Variants in KCTD8 observed in about 807,000 individuals in gnomAD.
KCTD8 encodes the protein potassium channel tetramerization domain containing 8.
Under a neutral mutation model 31.5 loss-of-function variants are expected in KCTD8, and 27 were observed. The observed-to-expected ratio is 0.86, with a 90% CI of 0.63 to 1.18. The LOEUF (loss-of-function observed/expected upper bound fraction) is 1.18. KCTD8 is among the 50% of genes most tolerant of loss of function. The pLI is 0.00. For missense variants in KCTD8, 658 were observed against 647.7 expected, an observed-to-expected ratio of 1.02 and a Z score of -0.17; for synonymous variants, 290 against 280.0, an observed-to-expected ratio of 1.04 and a Z score of -0.36.
rs544181801 is a variant in KCTD8, at chr4:44,401,874, A to G, written c.961+45689T>C. Among the ~76,000 whole-genome samples the G allele has an allele frequency of 2.7e-4, 41 of 152,264 alleles. No homozygotes were observed. The South Asian group carries it at 8.3e-3, about 31-fold the overall frequency. On this transcript the variant is annotated intron_variant, in intron 1 of 1. Transcript: ENST00000360029. ...AAACTACCATATTATTATGGCATCA[A>G]ATAAATGGATTCTATTTTTTATAGT...
intron 1 of KCTD8, among the ~76,000 whole-genome samples, chr4:44,284,543 A>G (rs560603140): frequency 6.6e-6 from 1 of 152,346 alleles, no homozygotes; most frequent in African/African-American, 2.4e-5. Flanking sequence ...GGGCAATACC[A>G]TTCAGGATGT....
At chr4:44,285,282 C>A (rs901845767) in intron 1 of KCTD8, among the ~76,000 whole-genome samples, 3 of 152,160 alleles carry the variant, frequency 2.0e-5, no homozygotes, top group Non-Finnish European at 4.4e-5. Context: ...CCATGGAATA[C>A]TATGCACCCA....
At chr4:44,222,175 G>T (rs1433983908) in intron 1 of KCTD8, among the ~76,000 whole-genome samples, 1 of 152,128 alleles carries the variant, frequency 6.6e-6, no homozygotes, top group Non-Finnish European at 1.5e-5. Flanking sequence ...ACAGAATAAG[G>T]AATTTATTAT....
chr4:44,340,843 G>A (rs942226427), intron 1 of KCTD8, among the ~76,000 whole-genome samples: 5 of 152,040 alleles, frequency 3.3e-5, no homozygotes, highest in African/African-American at 1.2e-4. Context: ...AAGGAGTTAT[G>A]ATGAAGATTA....
rs993464219 is a variant in KCTD8 at position 44,365,593 on chromosome 4, C to CA, written c.961+81969dup. Reference sequence around the variant, plus strand: ...TATCACCTGTAACCTTTTCTAAAGGCAAAAAATAGTAATCTTAACAAAATA... The same window carrying CA: ...TATCACCTGTAACCTTTTCTAAAGGCAAAAAAATAGTAATCTTAACAAAATA... On this transcript the variant is annotated intron_variant, in intron 1 of 1. Coordinates refer to ENST00000360029, the MANE Select transcript of KCTD8 (RefSeq NM_198353.3). Among the ~76,000 whole-genome samples the CA allele has an allele frequency of 5.4e-4, 82 of 152,070 alleles. 1 individual carries two copies. Among genetic ancestry groups the CA allele is most frequent in the Admixed American group, 4.8e-3 (74 of 15,262 alleles).
rs193273810 is a variant in KCTD8, at chr4:44,257,879, C to T, written c.962-82629G>A. The stretch of plus-strand genomic sequence containing the variant: ...AGTCTTCATCCGTTGACTTGAATTC[C>T]CATTTTATTAATATAAGATTGAAGT... On this transcript the variant is annotated intron_variant, in intron 1 of 1. Transcript: ENST00000360029. 1.4e-4 allele frequency among the ~76,000 whole-genome samples: 22 copies of T among 152,036 alleles called. No homozygotes were observed. The East Asian group carries it at 4.3e-3, about 30-fold the overall frequency.
chr4:44,274,634 G>A (rs2109374578), intron 1 of KCTD8, among the ~76,000 whole-genome samples: 1 of 151,752 alleles, frequency 6.6e-6, no homozygotes, highest in African/African-American at 2.4e-5. Flanking sequence ...AATTTATATA[G>A]TCATTTCTTG....
At chr4:44,191,028 C>A (rs1014747163) in intron 1 of KCTD8, among the ~76,000 whole-genome samples, 3 of 152,030 alleles carry the variant, frequency 2.0e-5, no homozygotes, top group Admixed American at 6.5e-5. Flanking sequence ...AGTCAGGGAC[C>A]CTGAATGGAG....
chr4:44,308,168 A>G (rs1385856324), intron 1 of KCTD8, among the ~76,000 whole-genome samples: 1 of 152,056 alleles, frequency 6.6e-6, no homozygotes, highest in Non-Finnish European at 1.5e-5. Flanking sequence ...TCATAGCTCA[A>G]GATGAGAAAC....
rs988461314 is a variant in KCTD8 at position 44,293,474 on chromosome 4, C to T, written c.962-118224G>A. The T allele has an allele frequency of 6.6e-6, 3 of 455,308 alleles. No individual in the cohort carries two copies. In the Admixed American group the frequency reaches 7.1e-5, roughly 11 times the overall value. 28.2% of individuals were successfully genotyped at this position (455,308 alleles called of 1,614,324 possible). A position where few individuals can be genotyped will look rare whatever the true frequency, so the allele number is the denominator to read the frequency against. On this transcript the variant is annotated intron_variant, in intron 1 of 1. Coordinates refer to ENST00000360029, the MANE Select transcript of KCTD8 (RefSeq NM_198353.3). ...TGATCTGGCAAGCAATCATAAATAG[C>T]CATATATTCAAACCTAGAGGTAGCA...
chr4:44,387,370 T>C (rs1720251457), intron 1 of KCTD8, among the ~76,000 whole-genome samples: 1 of 151,306 alleles, frequency 6.6e-6, no homozygotes, highest in African/African-American at 2.4e-5. Flanking sequence ...AGAAAAAAAA[T>C]GTTAAAATTC....
At chr4:44,239,900 T>C (rs1346154397) in intron 1 of KCTD8, among the ~76,000 whole-genome samples, 1 of 152,218 alleles carries the variant, frequency 6.6e-6, no homozygotes, top group Non-Finnish European at 1.5e-5. Context: ...TTAATCTTAA[T>C]ACCTGTGTTC....
chr4:44,366,335 T>C (rs1009667039), intron 1 of KCTD8, among the ~76,000 whole-genome samples: 1 of 152,134 alleles, frequency 6.6e-6, no homozygotes, highest in Non-Finnish European at 1.5e-5. Flanking sequence ...GACTTGGTCA[T>C]GGGGGGTGGA....
At chr4:44,295,917 T>C (rs1717417270) in intron 1 of KCTD8, among the ~76,000 whole-genome samples, 1 of 152,174 alleles carries the variant, frequency 6.6e-6, no homozygotes, top group Admixed American at 6.5e-5. Flanking sequence ...CTTTGTAAAA[T>C]AGTTAACCTG....
intron 1 of KCTD8, among the ~76,000 whole-genome samples, chr4:44,312,663 A>C (rs1354584818): frequency 2.0e-5 from 3 of 152,192 alleles, no homozygotes; most frequent in Non-Finnish European, 4.4e-5. Flanking sequence ...AAAGTTTGAT[A>C]TGCATCCCTC....
Position 44,448,759 on chromosome 4 carries a change from G to A in KCTD8, c.-236C>T, listed in dbSNP as rs1274814272. The A allele has an allele frequency of 2.6e-6, 1 of 383,260 alleles. No individual in the cohort carries two copies. Among genetic ancestry groups the A allele is most frequent in the Admixed American group, 4.6e-5 (1 of 21,704 alleles). The allele number at this position is 383,260 out of a possible 1,614,324, so 23.7% of individuals were successfully genotyped here. A position where few individuals can be genotyped will look rare whatever the true frequency, so the allele number is the denominator to read the frequency against. On this transcript the variant is annotated 5_prime_UTR_variant, in exon 1 of 2. Coordinates refer to ENST00000360029, the MANE Select transcript of KCTD8 (RefSeq NM_198353.3). The surrounding 1 kb of genome is among the most constrained non-coding windows in gnomAD (Gnocchi z 4.1). ...GCTCCGCCGGTGCGGCGGCGGCAAT[G>A]GAGAGGCAAGAAGGAGCTGCTGCTC...
In KCTD8 at chr4:44,370,222, CAA is replaced by C. The variant is rs149595198; in HGVS notation, c.961+77339_961+77340del. ...AGAAAATGGGGTTACTTCCTGAACT[CAA>C]GTCTACCTTTACTATCATTAAAGCA... On this transcript the variant is annotated intron_variant, in intron 1 of 1. Transcript: ENST00000360029. Among the ~76,000 whole-genome samples the C allele has an allele frequency of 8.1e-3, 1,236 of 152,262 alleles. 20 individuals carry two copies. Among genetic ancestry groups the C allele is most frequent in the African/African-American group, 0.028 (1,184 of 41,564 alleles).
intron 1 of KCTD8, among the ~76,000 whole-genome samples, chr4:44,430,916 C>CTT (rs1014929686): frequency 6.7e-6 from 1 of 148,882 alleles, no homozygotes; most frequent in African/African-American, 2.5e-5. Flanking sequence ...ATTTCTCTTT[C>CTT]TTTTTTTTTT....
At chr4:44,438,475 A>G (rs1721734313) in intron 1 of KCTD8, among the ~76,000 whole-genome samples, 1 of 152,174 alleles carries the variant, frequency 6.6e-6, no homozygotes, top group Non-Finnish European at 1.5e-5. Flanking sequence ...GTTTGAGACA[A>G]TTTCCATTGA....
Sources: gnomAD v4.1 joint callset for allele counts (sites outside exome capture counted in the v4.1 genomes callset) on GRCh38, gnomAD v4.1.1 for gene constraint, Gnocchi (gnomAD v3.1) non-coding constraint, MANE v1.5 for transcripts, NCBI Gene and HGNC (gene_info 2026-07-23, HGNC 2026-07-21) for gene names.